The following CTNND2 variants were observed in gnomAD, a reference collection of about 807,000 sequenced individuals.
The protein encoded by CTNND2 is catenin delta 2.
CTNND2 carries 22 observed loss-of-function variants against 144.4 expected under a neutral mutation model. The ratio of observed to expected loss-of-function variants is 0.15; its 90% CI spans 0.11 to 0.22. The LOEUF (loss-of-function observed/expected upper bound fraction) is 0.22. Among genes scored for constraint, CTNND2 ranks in the 10% least tolerant of loss-of-function variants. The probability of loss-of-function intolerance (pLI) is 1.00; values close to 1 mark genes in which losing one functional copy is unlikely to be tolerated. For missense variants in CTNND2, 1,353 were observed against 1,618.8 expected, an observed-to-expected ratio of 0.84 and a Z score of 2.82; for synonymous variants, 751 against 695.6, an observed-to-expected ratio of 1.08 and a Z score of -1.25.
chr5:11,837,526 C>T (rs1179774926), intron 1 of CTNND2, among the ~76,000 whole-genome samples: 2 of 152,154 alleles, frequency 1.3e-5, no homozygotes, highest in East Asian at 1.9e-4. Context: ...AAGGCAATCT[C>T]GAATCTCCAT....
chr5:11,041,333 C>T (rs1744675770), intron 16 of CTNND2, among the ~76,000 whole-genome samples: 1 of 152,124 alleles, frequency 6.6e-6, no homozygotes, highest in Non-Finnish European at 1.5e-5. Flanking sequence ...TCTTACATTA[C>T]CCTAGGGATA....
At chr5:11,581,319 A>G (rs1252278667) in intron 2 of CTNND2, among the ~76,000 whole-genome samples, 3 of 152,172 alleles carry the variant, frequency 2.0e-5, no homozygotes, top group Non-Finnish European at 4.4e-5. Context: ...TATCAAACAT[A>G]TGCATATTTT....
chr5:11,873,527 G>C (rs900099303), intron 1 of CTNND2, among the ~76,000 whole-genome samples: 1 of 152,124 alleles, frequency 6.6e-6, no homozygotes, highest in Non-Finnish European at 1.5e-5. Context: ...TTTATTGACC[G>C]TCTGTGAGTT....
chr5:11,562,939 A>G (rs1776793069), intron 3 of CTNND2, among the ~76,000 whole-genome samples: 1 of 152,228 alleles, frequency 6.6e-6, no homozygotes, highest in Non-Finnish European at 1.5e-5. Flanking sequence ...TTTCAGGGCC[A>G]TATGGCTTCT....
intron 2 of CTNND2, among the ~76,000 whole-genome samples, chr5:11,566,191 A>G (rs1249592393): frequency 1.3e-5 from 2 of 152,184 alleles, no homozygotes; most frequent in African/African-American, 4.8e-5. Flanking sequence ...ACATTTTAAT[A>G]TTGACATTAT....
chr5:11,001,353 G>C (rs1464876391), intron 18 of CTNND2, among the ~76,000 whole-genome samples: 2 of 152,090 alleles, frequency 1.3e-5, no homozygotes, highest in East Asian at 3.9e-4. Flanking sequence ...TTCTTTCCAT[G>C]ATAGTAATAA....
At chr5:11,394,589 A>C (rs761241996) in intron 6 of CTNND2, among the ~76,000 whole-genome samples, 2 of 152,230 alleles carry the variant, frequency 1.3e-5, no homozygotes, top group Non-Finnish European at 2.9e-5. Context: ...GACCAGCTCC[A>C]TGAACTCATC....
In CTNND2 at chr5:11,574,203, T is replaced by C. The variant is rs183104486; in HGVS notation, c.175-9147A>G. 4.5e-4 allele frequency among the ~76,000 whole-genome samples: 69 copies of C among 152,244 alleles called. 2 individuals carry two copies. The East Asian group carries it at 0.011, about 25-fold the overall frequency. On this transcript the variant is annotated intron_variant, in intron 2 of 21. Coordinates refer to ENST00000304623, the MANE Select transcript of CTNND2 (RefSeq NM_001332.4). The stretch of plus-strand genomic sequence containing the variant: ...TGCTTGGGGATGACTATTCTACTTA[T>C]GATAACAGCACATAATGGCAGTTAA...
At chr5:11,249,873 T>C (rs1743384656) in intron 9 of CTNND2, among the ~76,000 whole-genome samples, 1 of 151,602 alleles carries the variant, frequency 6.6e-6, no homozygotes, top group Non-Finnish European at 1.5e-5. Context: ...CAAAACACAC[T>C]CATCTATGTG....
chr5:11,669,178 G>A (rs1006341857), intron 2 of CTNND2, among the ~76,000 whole-genome samples: 1 of 152,176 alleles, frequency 6.6e-6, no homozygotes, highest in African/African-American at 2.4e-5. Flanking sequence ...GTATTTTATT[G>A]AGGATTTTCG....
intron 3 of CTNND2, among the ~76,000 whole-genome samples, chr5:11,424,610 G>A (rs1258554564): frequency 1.3e-5 from 2 of 152,026 alleles, no homozygotes; most frequent in Non-Finnish European, 2.9e-5. Context: ...AGAGACGTGT[G>A]TGTGTGTGTG....
Position 11,102,321 on chromosome 5 carries a change from C to T in CTNND2, c.2464-3573G>A, listed in dbSNP as rs188015415. Among the ~76,000 whole-genome samples the T allele has an allele frequency of 3.9e-4, 59 of 152,232 alleles. No individual in the cohort carries two copies. In the East Asian group the frequency reaches 0.011, roughly 28 times the overall value. ...ATATCACTAGTGTAATACTGAACCT[C>T]CTCTTATGAATTGTCTTGTTCATAG... On this transcript the variant is annotated intron_variant, in intron 14 of 21. Coordinates refer to ENST00000304623, the MANE Select transcript of CTNND2 (RefSeq NM_001332.4).
chr5:11,853,769 C>T (rs1795125065), intron 1 of CTNND2, among the ~76,000 whole-genome samples: 1 of 152,226 alleles, frequency 6.6e-6, no homozygotes. Context: ...TCCCATTGTA[C>T]ACCTAATCCA....
intron 3 of CTNND2, among the ~76,000 whole-genome samples, chr5:11,454,705 T>TTGAG (rs1765587014): frequency 4.6e-5 from 7 of 151,752 alleles, no homozygotes; most frequent in Admixed American, 4.6e-4. Context: ...CAAGCAAGTC[T>TTGAG]CTCTCATGCC....
intron 2 of CTNND2, among the ~76,000 whole-genome samples, chr5:11,579,485 C>A (rs1479791761): frequency 6.6e-6 from 1 of 152,108 alleles, no homozygotes; most frequent in African/African-American, 2.4e-5. Context: ...ACACCGTAGA[C>A]AAGCTAATAT....
chr5:11,535,766 TC>T (rs1468996678), intron 3 of CTNND2, among the ~76,000 whole-genome samples: 8 of 152,150 alleles, frequency 5.3e-5, no homozygotes, highest in Admixed American at 3.3e-4. Flanking sequence ...AGATCTTTAT[TC>T]CCCCCGGTGT....
chr5:11,588,975 C>T (rs1036269564), intron 2 of CTNND2: 49 of 985,312 alleles, frequency 5.0e-5, no homozygotes, highest in African/African-American at 3.1e-4. Flanking sequence ...AAAGTCAGGA[C>T]GCTGAATTAT....
intron 10 of CTNND2, among the ~76,000 whole-genome samples, chr5:11,204,533 C>G (rs945351083): frequency 1.3e-5 from 2 of 152,074 alleles, no homozygotes; most frequent in African/African-American, 4.8e-5. Context: ...AAGAGATATG[C>G]AAGTAATGCA....
chr5:11,844,771 T>C (rs1001555086), intron 1 of CTNND2, among the ~76,000 whole-genome samples: 2 of 152,190 alleles, frequency 1.3e-5, no homozygotes, highest in Non-Finnish European at 2.9e-5. Context: ...ATCACTGTAT[T>C]TTCCTGGCAA....
Sources: gnomAD v4.1 joint callset for allele counts (sites outside exome capture counted in the v4.1 genomes callset) on GRCh38, gnomAD v4.1.1 for gene constraint, MANE v1.5 for transcripts, NCBI Gene and HGNC (gene_info 2026-07-23, HGNC 2026-07-21) for gene names.